Variants in OSBP2 observed in about 807,000 individuals in gnomAD.
OSBP2 encodes oxysterol binding protein 2, also known as oxysterol-binding protein 2.
In OSBP2, 66 loss-of-function variants were observed where a neutral mutation model predicts 96.0. The observed-to-expected ratio is 0.69, with a 90% CI of 0.56 to 0.84. The LOEUF is 0.84. OSBP2 is among the 40% of genes least tolerant of loss of function. OSBP2 has a pLI of 0.00. For missense variants in OSBP2, 1,038 were observed against 1,222.7 expected (o/e 0.85, Z 2.25); for synonymous variants, 525 against 520.9 (o/e 1.01, Z -0.11).
chr22:30,821,258 G>A (rs2038265828), intron 2 of OSBP2, among the ~76,000 whole-genome samples: 1 of 150,972 alleles, frequency 6.6e-6, no homozygotes, highest in South Asian at 2.1e-4. Flanking sequence ...GACATACAGT[G>A]TACAGGATCT....
At chr22:30,784,004 T>C (rs2145813149) in intron 2 of OSBP2, among the ~76,000 whole-genome samples, 1 of 152,326 alleles carries the variant, frequency 6.6e-6, no homozygotes, top group Admixed American at 6.5e-5. Flanking sequence ...GGAAGAGGCT[T>C]CAGAAGCAGG....
intron 2 of OSBP2, among the ~76,000 whole-genome samples, chr22:30,856,674 A>G (rs1487973705): frequency 2.0e-5 from 3 of 152,022 alleles, no homozygotes; most frequent in Non-Finnish European, 4.4e-5. Flanking sequence ...GGCATGAGCC[A>G]CCATGCCCAG....
chr22:30,717,090 TTGTGTGTGTGTG>T lies in OSBP2; in HGVS notation c.644+21569_644+21580del, dbSNP rs35377469. Reference sequence around the variant, plus strand: ...CTATTTTGTTTTAATTTTACTGTTTTTGTGTGTGTGTGTGTGTGTGTGTGTGTGTGTGTGTGT... The same window carrying T: ...CTATTTTGTTTTAATTTTACTGTTTTTGTGTGTGTGTGTGTGTGTGTGTGT... On this transcript the variant is annotated intron_variant, in intron 1 of 13. Transcript: ENST00000332585. Among the ~76,000 whole-genome samples, 129 of 118,412 alleles carry T rather than the reference TTGTGTGTGTGTG, an allele frequency of 1.1e-3. 4 individuals carry two copies. Among genetic ancestry groups the T allele is most frequent in the Middle Eastern group, 4.1e-3 (1 of 244 alleles). The allele number at this position is 118,412 out of a possible 152,430, so 77.7% of individuals were successfully genotyped here. A position where few individuals can be genotyped will look rare whatever the true frequency, so the allele number is the denominator to read the frequency against.
chr22:30,723,738 C>G (rs2089594267), intron 1 of OSBP2, among the ~76,000 whole-genome samples: 1 of 152,020 alleles, frequency 6.6e-6, no homozygotes, highest in Admixed American at 6.6e-5. Context: ...AAAAACCTTA[C>G]CTATTTACAG....
chr22:30,886,641 C>T (rs1038916069), intron 3 of OSBP2, among the ~76,000 whole-genome samples: 2 of 152,132 alleles, frequency 1.3e-5, no homozygotes, highest in Non-Finnish European at 2.9e-5. Flanking sequence ...ACTTTTTCTT[C>T]CTTGACTCGT....
rs575194701 is a variant in OSBP2, at chr22:30,901,471, C to T, written c.2376-4366C>T. Among the ~76,000 whole-genome samples, 5 of 152,328 alleles carry T rather than the reference C, an allele frequency of 3.3e-5. No homozygotes were observed. In the East Asian group the frequency reaches 9.6e-4, roughly 29 times the overall value. On this transcript the variant is annotated intron_variant, in intron 12 of 13. Transcript: ENST00000332585. ...AGAAAAAACATATATGGCCAGTCAT[C>T]ACATAAAAAACATGTATGTTGAAGA...
chr22:30,821,807 C>A (rs2038278982), intron 2 of OSBP2, among the ~76,000 whole-genome samples: 1 of 152,234 alleles, frequency 6.6e-6, no homozygotes, highest in Non-Finnish European at 1.5e-5. Context: ...CTAAAAGACA[C>A]AGAGGCAGTT....
chr22:30,875,717 G>A (rs1363985466), intron 3 of OSBP2, among the ~76,000 whole-genome samples: 1 of 152,206 alleles, frequency 6.6e-6, no homozygotes, highest in East Asian at 1.9e-4. Context: ...TACTTTGTGG[G>A]CCTTGGAAGG....
chr22:30,866,723 C>T (rs1278301796), intron 2 of OSBP2, among the ~76,000 whole-genome samples: 4 of 149,788 alleles, frequency 2.7e-5, no homozygotes, highest in African/African-American at 9.9e-5. Flanking sequence ...GGCGACAGCG[C>T]GAGACTCTGT....
At chr22:30,859,266 C>T (rs1298659054) in intron 2 of OSBP2, among the ~76,000 whole-genome samples, 3 of 152,240 alleles carry the variant, frequency 2.0e-5, no homozygotes, top group East Asian at 1.9e-4. Flanking sequence ...GTCCTGGCAC[C>T]GTCCGAGATC....
intron 2 of OSBP2, among the ~76,000 whole-genome samples, chr22:30,769,044 T>C (rs188572923): frequency 2.0e-5 from 3 of 152,336 alleles, no homozygotes; most frequent in East Asian, 1.9e-4. Context: ...GTTTGCCAGT[T>C]TGAGCTTTGA....
At chr22:30,847,290 TC>T (rs2038889633) in intron 2 of OSBP2, among the ~76,000 whole-genome samples, 1 of 151,892 alleles carries the variant, frequency 6.6e-6, no homozygotes, top group African/African-American at 2.4e-5. Context: ...CATTCTTTTT[TC>T]TTTTTCCCTG....
chr22:30,762,047 T>G (rs1327386305), intron 2 of OSBP2, among the ~76,000 whole-genome samples: 1 of 149,482 alleles, frequency 6.7e-6, no homozygotes, highest in African/African-American at 2.5e-5. Context: ...ATGGCGAAAC[T>G]CCATCTCTAC....
chr22:30,889,479 T>G lies in OSBP2; in HGVS notation c.1477-11T>G. On this transcript the variant is annotated splice_polypyrimidine_tract_variant and intron_variant, in intron 6 of 13. Transcript: ENST00000332585. Reference sequence around the variant, plus strand: ...CTGCTGACGGTGAGGGGGTCCCCACTTATGTGGCAGGTACTAGATGGTGCC... The same window carrying G: ...CTGCTGACGGTGAGGGGGTCCCCACGTATGTGGCAGGTACTAGATGGTGCC... 2 of 1,614,016 alleles carry G rather than the reference T, an allele frequency of 1.2e-6. No homozygotes were observed. The highest frequency in any genetic ancestry group is 1.7e-6 in the Non-Finnish European group (2 of 1,179,974).
intron 1 of OSBP2, among the ~76,000 whole-genome samples, chr22:30,723,047 A>G (rs1377501297): frequency 6.6e-6 from 1 of 151,990 alleles, no homozygotes; most frequent in Non-Finnish European, 1.5e-5. Context: ...CGACCTTCCA[A>G]AGTGTTGCTG....
chr22:30,834,794 GTCTTTTCTTTTCTTT>G (rs113056328), intron 2 of OSBP2, among the ~76,000 whole-genome samples: 1 of 150,750 alleles, frequency 6.6e-6, no homozygotes, highest in African/African-American at 2.4e-5. Flanking sequence ...TCTATGGATT[GTCTTTTCTTTTCTTT>G]TCTTTTCTTT....
At chr22:30,775,503 G>A (rs2090419655) in intron 2 of OSBP2, among the ~76,000 whole-genome samples, 1 of 151,538 alleles carries the variant, frequency 6.6e-6, no homozygotes, top group South Asian at 2.1e-4. Context: ...TGTAATCCCA[G>A]CTACTTGGGA....
intron 2 of OSBP2, among the ~76,000 whole-genome samples, chr22:30,758,829 G>A (rs1381297983): frequency 1.3e-5 from 2 of 152,108 alleles, no homozygotes; most frequent in Non-Finnish European, 2.9e-5. Context: ...GCAGCCAGAG[G>A]ACTGAAACAG....
At chr22:30,698,932 AT>A (rs1470347184) in intron 1 of OSBP2, among the ~76,000 whole-genome samples, 1 of 151,144 alleles carries the variant, frequency 6.6e-6, no homozygotes, top group African/African-American at 2.4e-5. Context: ...AAAAGTCCAT[AT>A]TTTTTATTGC....
Sources: allele counts gnomAD v4.1 joint callset (sites outside exome capture counted in the v4.1 genomes callset), GRCh38; gene constraint gnomAD v4.1.1; transcripts MANE v1.5; gene names NCBI Gene and HGNC (gene_info 2026-07-23, HGNC 2026-07-21).